BNC2: variants seen among roughly 807,000 people sequenced by gnomAD.
BNC2 encodes the protein zinc finger protein basonuclin-2.
A neutral mutation model predicts 76.3 loss-of-function variants in BNC2; 20 were observed. The ratio of observed to expected loss-of-function variants is 0.26; its 90% CI spans 0.18 to 0.38. The LOEUF (loss-of-function observed/expected upper bound fraction) is 0.38, where lower values mean the gene tolerates loss of function less well. Among genes scored for constraint, BNC2 ranks in the 10% least tolerant of loss-of-function variants. The pLI, the probability that BNC2 is intolerant of heterozygous loss-of-function variation, is 1.00. For missense variants in BNC2, 1,382 were observed against 1,399.8 expected (o/e 0.99, Z 0.20); for synonymous variants, 582 against 514.8 (o/e 1.13, Z -1.77).
intron 5 of BNC2, among the ~76,000 whole-genome samples, chr9:16,510,403 T>A (rs1029279222): frequency 5.3e-5 from 8 of 152,322 alleles, no homozygotes; most frequent in South Asian, 2.1e-4. Flanking sequence ...AACGCCCCTC[T>A]GTAATAAAAT....
chr9:16,737,527 G>A (rs1338867914), intron 2 of BNC2, among the ~76,000 whole-genome samples: 2 of 146,518 alleles, frequency 1.4e-5, no homozygotes, highest in African/African-American at 5.1e-5. Context: ...TGGGATTACA[G>A]GCGTGAGCCA....
At chr9:16,720,583 T>C (rs555743236) in intron 3 of BNC2, among the ~76,000 whole-genome samples, 1 of 152,316 alleles carries the variant, frequency 6.6e-6, no homozygotes, top group East Asian at 1.9e-4. Flanking sequence ...AATGAGTAAC[T>C]TCCTACTGTT....
chr9:16,719,143 A>G (rs1485010842), intron 3 of BNC2, among the ~76,000 whole-genome samples: 1 of 152,126 alleles, frequency 6.6e-6, no homozygotes, highest in Non-Finnish European at 1.5e-5. Flanking sequence ...TCACTCAGGG[A>G]CACTCTCATG....
chr9:16,722,041 A>G (rs543937482), intron 3 of BNC2, among the ~76,000 whole-genome samples: 52 of 152,168 alleles, frequency 3.4e-4, no homozygotes, highest in Non-Finnish European at 5.0e-4. Context: ...CAGATGCCCA[A>G]TGCAACTTTT....
At chr9:16,829,162 G>A (rs560400400) in intron 1 of BNC2, among the ~76,000 whole-genome samples, 41 of 152,346 alleles carry the variant, frequency 2.7e-4, no homozygotes, top group African/African-American at 6.0e-4. Flanking sequence ...GCGAATTTCC[G>A]TCTGGCACGG....
intron 1 of BNC2, among the ~76,000 whole-genome samples, chr9:16,809,473 AC>A (rs1404875542): frequency 6.6e-6 from 1 of 152,160 alleles, no homozygotes; most frequent in Non-Finnish European, 1.5e-5. Context: ...TCTGTCACAG[AC>A]TTATGCAAAT....
chr9:16,433,063 C>A (rs78406408), intron 6 of BNC2, among the ~76,000 whole-genome samples: 4,255 of 152,248 alleles, frequency 0.028, 179 homozygotes, highest in African/African-American at 0.094. Context: ...CTCTGCTGAG[C>A]TGCAGGAAGA....
At chr9:16,854,842 G>C (rs1819214300) in intron 1 of BNC2, among the ~76,000 whole-genome samples, 1 of 151,840 alleles carries the variant, frequency 6.6e-6, no homozygotes, top group Admixed American at 6.6e-5. Context: ...GGTAAACACT[G>C]TCAATACTCT....
chr9:16,529,064 T>A (rs1817898439), intron 5 of BNC2, among the ~76,000 whole-genome samples: 1 of 152,196 alleles, frequency 6.6e-6, no homozygotes, highest in Non-Finnish European at 1.5e-5. Context: ...ACCTCCTCCT[T>A]TGCATATGTC....
chr9:16,506,258 T>G (rs1314287938), intron 5 of BNC2, among the ~76,000 whole-genome samples: 1 of 152,090 alleles, frequency 6.6e-6, no homozygotes, highest in African/African-American at 2.4e-5. Flanking sequence ...TATGTGAGAG[T>G]AGACGAAGGC....
intron 1 of BNC2, among the ~76,000 whole-genome samples, chr9:16,841,835 G>A (rs1340850329): frequency 3.4e-4 from 2 of 5,904 alleles, no homozygotes; most frequent in Non-Finnish European, 0.018. Context: ...TTGAGACAGA[G>A]TTTCACTCTT....
chr9:16,444,036 A>C (rs1463775818), intron 5 of BNC2, among the ~76,000 whole-genome samples: 2 of 152,198 alleles, frequency 1.3e-5, no homozygotes, highest in Non-Finnish European at 2.9e-5. Context: ...CACATAACTC[A>C]ACATGTACAG....
At chr9:16,450,884 G>C (rs1927619) in intron 5 of BNC2, among the ~76,000 whole-genome samples, 87,634 of 152,090 alleles carry the variant, frequency 0.58, 27,396 homozygotes, top group African/African-American at 0.83. Context: ...GTGCTGCAGG[G>C]AAAAATGGAA....
intron 5 of BNC2, among the ~76,000 whole-genome samples, chr9:16,485,772 G>A (rs1350735195): frequency 3.3e-5 from 5 of 151,966 alleles, no homozygotes; most frequent in Non-Finnish European, 7.4e-5. Context: ...CCACACCACT[G>A]CACTCTAGCC....
At chr9:16,498,383 G>C (rs1822445383) in intron 5 of BNC2, among the ~76,000 whole-genome samples, 2 of 150,732 alleles carry the variant, frequency 1.3e-5, no homozygotes, top group South Asian at 4.2e-4. Context: ...AGATGAGATT[G>C]GAGACTACTA....
intron 3 of BNC2, among the ~76,000 whole-genome samples, chr9:16,708,394 AATTT>A (rs1220150004): frequency 6.6e-6 from 1 of 152,178 alleles, no homozygotes; most frequent in African/African-American, 2.4e-5. Flanking sequence ...GGCATACGTT[AATTT>A]ATTCTGCTCT....
At chr9:16,868,619 A>G (rs1819600072) in intron 1 of BNC2, among the ~76,000 whole-genome samples, 1 of 152,248 alleles carries the variant, frequency 6.6e-6, no homozygotes, top group South Asian at 2.1e-4. Flanking sequence ...TTCAGGTTCA[A>G]GCTCGTTATT....
intron 3 of BNC2, among the ~76,000 whole-genome samples, chr9:16,696,209 T>C (rs1333887995): frequency 2.6e-5 from 4 of 152,198 alleles, no homozygotes; most frequent in Non-Finnish European, 5.9e-5. Flanking sequence ...TCCTAGATCA[T>C]GTTTATAGCT....
At chr9:16,769,105 A>G (rs1461477320) in intron 1 of BNC2, among the ~76,000 whole-genome samples, 1 of 152,224 alleles carries the variant, frequency 6.6e-6, no homozygotes, top group Non-Finnish European at 1.5e-5. Context: ...AGGACCCTGG[A>G]AAAGCATAGT....
Sources: allele counts gnomAD v4.1 joint callset (sites outside exome capture counted in the v4.1 genomes callset), GRCh38; gene constraint gnomAD v4.1.1; transcripts MANE v1.5; gene names NCBI Gene and HGNC (gene_info 2026-07-23, HGNC 2026-07-21).